The following ZNF283 variants were observed in gnomAD, a reference collection of about 807,000 sequenced individuals.
ZNF283 encodes the protein zinc finger protein 283, also known as zinc finger protein 41.
In ZNF283, 10 loss-of-function variants were observed where a neutral mutation model predicts 9.2. That is an observed-to-expected ratio of 1.09 (90% CI 0.67 to 1.85). The LOEUF is 1.85. ZNF283 is among the 40% of genes most tolerant of loss of function. ZNF283 has a pLI of 0.00. For synonymous variants in ZNF283, 234 were observed against 244.1 expected, an observed-to-expected ratio of 0.96 and a Z score of 0.38; for missense variants, 631 against 760.1, an observed-to-expected ratio of 0.83 and a Z score of 2.00.
chr19:43,837,713 C>T (rs1599719692), intron 6 of ZNF283: 1 of 152,880 alleles, frequency 6.5e-6, no homozygotes, highest in Middle Eastern at 3.4e-3. Flanking sequence ...ATGATGAGGA[C>T]TGACAGGGCT....
In ZNF283 at chr19:43,827,499, G is replaced by C. The variant is rs555092397; in HGVS notation, c.-145+55G>C. 3 of 152,308 alleles carry C rather than the reference G, an allele frequency of 2.0e-5. No individual in the cohort carries two copies. In the East Asian group the frequency reaches 5.8e-4, roughly 29 times the overall value. 9.4% of individuals were successfully genotyped at this position (152,308 alleles called of 1,614,324 possible). On this transcript the variant is annotated intron_variant, in intron 1 of 6. Transcript: ENST00000618787. ...AGCCCGGGTGAAGCTGGGAGGGCTCGGCTGGCTTTACTGGGGCCCGACTGG... is the reference window on the plus strand; with the variant it reads ...AGCCCGGGTGAAGCTGGGAGGGCTCCGCTGGCTTTACTGGGGCCCGACTGG...
At chr19:43,827,817 C>A (rs1474976316) in intron 1 of ZNF283, 1 of 152,196 alleles carries the variant, frequency 6.6e-6, no homozygotes, top group Non-Finnish European at 1.5e-5. Flanking sequence ...AATTAAATGA[C>A]CGCAAGAAAG....
In ZNF283 at chr19:43,848,090, T is replaced by C. The variant is rs1007508919; in HGVS notation, c.1489T>C (p.Cys497Arg). Residue 497 changes from cysteine (C) to arginine (R), a missense_variant, in exon 7 of 7, where the codon TGT becomes CGT. Physicochemically the swap from Cys to Arg is radical, Grantham distance 180. Transcript: ENST00000618787. The part of the protein sequence containing the change: ...HECKECGKTF[C>R]SGYQLTRHQV... The stretch of plus-strand genomic sequence containing the variant: ...ATGTAAAGAATGCGGAAAGACCTTT[T>C]GTAGTGGGTATCAACTTACTCGACA... 1.9e-6 allele frequency: 3 copies of C among 1,608,950 alleles called. No homozygotes were observed. The highest frequency in any genetic ancestry group is 3.4e-5 in the Admixed American group (2 of 59,526).
In ZNF283 at chr19:43,847,807, C is replaced by G. The variant is rs777972698; in HGVS notation, c.1206C>G (p.Pro402=). ...AGATATTTCATACTGGTGAGAAACC[C>G]TATGAATGCAAGGAATGTGGGAAGG... ...RHQIFHTGEK[P]YECKECGKAF... is the part of the protein sequence containing the mutation. Residue 402 remains proline (P), a synonymous_variant, in exon 7 of 7, where the codon CCC becomes CCG. Transcript: ENST00000618787. 6.2e-7 allele frequency: 1 copy of G among 1,611,960 alleles called. No homozygotes were observed. Among genetic ancestry groups the G allele is most frequent in the Non-Finnish European group, 8.5e-7 (1 of 1,179,404 alleles).
Position 43,850,164 on chromosome 19 carries a change from T to C in ZNF283, c.*1523T>C, listed in dbSNP as rs1009957503. Reference sequence around the variant, plus strand: ...TTTCATTCCTCATGGTGAAATTTGATATGGGCCTCTCCTTCACATTTCTCG... The same window carrying C: ...TTTCATTCCTCATGGTGAAATTTGACATGGGCCTCTCCTTCACATTTCTCG... On this transcript the variant is annotated 3_prime_UTR_variant, in exon 7 of 7. Transcript: ENST00000618787. 1 of 152,216 alleles carries C rather than the reference T, an allele frequency of 6.6e-6. No individual in the cohort carries two copies. The highest frequency in any genetic ancestry group is 2.4e-5 in the African/African-American group (1 of 41,466). The allele number at this position is 152,216 out of a possible 1,614,324, so 9.4% of individuals were successfully genotyped here.
chr19:43,830,478 G>A (rs1182543476), intron 2 of ZNF283, among the ~76,000 whole-genome samples: 9 of 152,132 alleles, frequency 5.9e-5, no homozygotes, highest in African/African-American at 1.7e-4. Flanking sequence ...GTAAATATGT[G>A]TAAATGTGTT....
At chr19:43,831,482 T>C in intron 3 of ZNF283, 101 bp downstream of exon 3, 1 of 982,306 alleles carries the variant, frequency 1.0e-6, no homozygotes, top group South Asian at 1.5e-5. Context: ...CTCAGTTTTT[T>C]ACATTTGGAA....
intron 6 of ZNF283, among the ~76,000 whole-genome samples, chr19:43,842,467 C>T (rs923743423): frequency 1.6e-5 from 2 of 124,488 alleles, no homozygotes; most frequent in Non-Finnish European, 3.5e-5. Flanking sequence ...TATTATCTTC[C>T]TAATAGTTAA....
rs962698501 is a variant in ZNF283, at chr19:43,850,249, G to A, written c.*1608G>A. 1.3e-5 allele frequency: 2 copies of A among 152,162 alleles called. No homozygotes were observed. The highest frequency in any genetic ancestry group is 4.8e-5 in the African/African-American group (2 of 41,426). 9.4% of individuals were successfully genotyped at this position (152,162 alleles called of 1,614,324 possible). On this transcript the variant is annotated 3_prime_UTR_variant, in exon 7 of 7. Transcript: ENST00000618787. ...TTTACCAGAACACTTCATAGATGGT[G>A]ATGTGTACTTCATCTTGCAATACCT...
Position 43,835,533 on chromosome 19 carries a change from C to T in ZNF283, c.151C>T (p.Pro51Ser), listed in dbSNP as rs1447607118. 6.2e-7 allele frequency: 1 copy of T among 1,611,310 alleles called. No homozygotes were observed. The highest frequency in any genetic ancestry group is 2.2e-5 in the East Asian group (1 of 44,850). Residue 51 changes from proline to serine, a missense_variant, in exon 5 of 7, where the codon CCA (proline) becomes TCA (serine). Pro to Ser is a moderately conservative substitution (Grantham distance 74). Transcript: ENST00000618787. The part of the protein sequence containing the change: ...SSGFSGFCAS[P>S]IEESHGALIS... ...TGGCTTTTCTGGATTCTGTGCTTCA[C>T]CAATAGAGGAATCCCATGGAGCATT...
chr19:43,844,107 G>A (rs1971317964), intron 6 of ZNF283, among the ~76,000 whole-genome samples: 2 of 152,030 alleles, frequency 1.3e-5, no homozygotes, highest in South Asian at 4.1e-4. Context: ...TTTTAGAAAA[G>A]ATTATTTTTA....
intron 6 of ZNF283, among the ~76,000 whole-genome samples, chr19:43,842,473 G>A (rs192730991): frequency 1.7e-5 from 2 of 120,814 alleles, no homozygotes; most frequent in African/African-American, 6.4e-5. Context: ...CTTCCTAATA[G>A]TTAAACTGTT....
At chr19:43,830,398 C>G (rs889554733) in intron 2 of ZNF283, among the ~76,000 whole-genome samples, 1 of 152,154 alleles carries the variant, frequency 6.6e-6, no homozygotes, top group African/African-American at 2.4e-5. Flanking sequence ...AAGTCTTAAC[C>G]TGAGGTCTTC....
intron 2 of ZNF283, among the ~76,000 whole-genome samples, chr19:43,829,789 C>G (rs764085067): frequency 1.3e-5 from 2 of 152,014 alleles, no homozygotes; most frequent in African/African-American, 4.8e-5. Flanking sequence ...TTTGGGAGTC[C>G]GAGGCGGGTG....
In ZNF283 at chr19:43,851,353, C is replaced by T. The variant is rs1248673582; in HGVS notation, c.*2712C>T. ...AAAGAAGCTTATAAAGTAGCATCTA[C>T]TAAATCCCCTCCTAAGGAACAAGCA... is the stretch of plus-strand genomic sequence containing the variant. On this transcript the variant is annotated 3_prime_UTR_variant, in exon 7 of 7. Coordinates refer to ENST00000618787, the MANE Select transcript of ZNF283 (RefSeq NM_181845.2). 1.3e-5 allele frequency: 2 copies of T among 151,100 alleles called. No individual in the cohort carries two copies. The highest frequency in any genetic ancestry group is 1.9e-4 in the East Asian group (1 of 5,138). 9.4% of individuals were successfully genotyped at this position (151,100 alleles called of 1,614,324 possible). A position where few individuals can be genotyped will look rare whatever the true frequency, so the allele number is the denominator to read the frequency against.
Position 43,848,688 on chromosome 19 carries a change from T to C in ZNF283, c.*47T>C. ...TTTGTGTGTGTGTATAGACAACTTA[T>C]CATAATAAGAACTCTTACTCTTGAG... On this transcript the variant is annotated 3_prime_UTR_variant, in exon 7 of 7. Transcript: ENST00000618787. 6.8e-7 allele frequency: 1 copy of C among 1,479,128 alleles called. No individual in the cohort carries two copies. Among genetic ancestry groups the C allele is most frequent in the Non-Finnish European group, 9.0e-7 (1 of 1,112,264 alleles). The allele number at this position is 1,479,128 out of a possible 1,614,324, so 91.6% of individuals were successfully genotyped here.
rs538192706 is a variant in ZNF283 at position 43,848,266 on chromosome 19, C to A, written c.1665C>A (p.Gly555=). ...AATGTGGGAAGGCTTTTAGTCGTGG[C>A]TATCACCTTACTCAACATCAGAAAA... ...CKECGKAFSR[G]YHLTQHQKIH... The change falls in exon 7 of 7, where the codon GGC becomes GGA. Residue 555 remains glycine, a synonymous_variant. Coordinates refer to ENST00000618787, the MANE Select transcript of ZNF283 (RefSeq NM_181845.2). The A allele has an allele frequency of 1.2e-6, 2 of 1,613,056 alleles. No individual in the cohort carries two copies. Among genetic ancestry groups the A allele is most frequent in the South Asian group, 2.2e-5 (2 of 90,934 alleles).
intron 2 of ZNF283, 145 bp from the exon 3 acceptor site, chr19:43,831,173 T>C (rs1225266809): frequency 2.9e-5 from 15 of 520,512 alleles, no homozygotes; most frequent in African/African-American, 2.0e-5. Flanking sequence ...AAATGTTACT[T>C]TAATTGGTCA....
Position 43,837,061 on chromosome 19 carries a change from G to A in ZNF283, c.219G>A (p.Val73=), listed in dbSNP as rs755906776. The A allele has an allele frequency of 1.2e-6, 2 of 1,613,902 alleles. No individual in the cohort carries two copies. The highest frequency in any genetic ancestry group is 1.7e-6 in the Non-Finnish European group (2 of 1,180,008). The change falls in exon 6 of 7, where the codon GTG becomes GTA. Residue 73 remains valine, a synonymous_variant. Transcript: ENST00000618787. ...TGGGTTTTTGGTTTTAGGGGTTGGT[G>A]ACATTCAGGGATGTGGCCATCGACT... The part of the protein sequence containing the change: ...CNSRTMTDGL[V]TFRDVAIDFS...
Sources: allele counts gnomAD v4.1 joint callset (sites outside exome capture counted in the v4.1 genomes callset), GRCh38; gene constraint gnomAD v4.1.1; transcripts MANE v1.5; gene names NCBI Gene and HGNC (gene_info 2026-07-23, HGNC 2026-07-21).